Variants in PHACTR2 observed in about 807,000 individuals in gnomAD.
The protein encoded by PHACTR2 is phosphatase and actin regulator 2.
Under a neutral mutation model 76.0 loss-of-function variants are expected in PHACTR2, and 30 were observed. That is an observed-to-expected ratio of 0.39 (90% CI 0.30 to 0.54). The LOEUF (loss-of-function observed/expected upper bound fraction) is 0.54, where lower values mean the gene tolerates loss of function less well. Among genes scored for constraint, PHACTR2 ranks in the 20% least tolerant of loss-of-function variants. The pLI is 0.61. For synonymous variants in PHACTR2, 292 were observed against 292.5 expected (o/e 1.00, Z 0.02); for missense variants, 696 against 781.1 (o/e 0.89, Z 1.30).
Position 143,591,012 on chromosome 6 carries a change from A to G in PHACTR2, c.217+53805A>G, listed in dbSNP as rs1363771834. Reference sequence around the variant, plus strand: ...GTGTATATCCTACCAACAGTCGGCCAAGTAGAATTGTACTTGTATAAAAAT... The same window carrying G: ...GTGTATATCCTACCAACAGTCGGCCGAGTAGAATTGTACTTGTATAAAAAT... On this transcript the variant is annotated intron_variant, in intron 1 of 11. Transcript: ENST00000367584. The surrounding 1 kb of genome is among the most constrained non-coding windows in gnomAD (Gnocchi z 6.4). Among the ~76,000 whole-genome samples the G allele has an allele frequency of 6.6e-6, 1 of 152,214 alleles. No individual in the cohort carries two copies. The highest frequency in any genetic ancestry group is 1.5e-5 in the Non-Finnish European group (1 of 68,028).
intron 2 of PHACTR2, among the ~76,000 whole-genome samples, chr6:143,748,200 G>T (rs1334113415): frequency 6.6e-6 from 1 of 152,116 alleles, no homozygotes; most frequent in Non-Finnish European, 1.5e-5. Context: ...CAAATAGCTG[G>T]GGTTACAGGT....
At position 143,811,529 on chromosome 6, in the gene PHACTR2, T is replaced by C. The variant is rs1335451207; in HGVS notation, c.1922+4396T>C. ...GGAGAGTAACAGCTAATATCAAGGG[T>C]AAATTTTAAAAGTTCTCCAAAACAT... On this transcript the variant is annotated intron_variant, in intron 12 of 12. Transcript: ENST00000440869. The surrounding 1 kb of genome is among the most constrained non-coding windows in gnomAD (Gnocchi z 4.1). 2.0e-5 allele frequency among the ~76,000 whole-genome samples: 3 copies of C among 152,172 alleles called. No homozygotes were observed. The highest frequency in any genetic ancestry group is 7.2e-5 in the African/African-American group (3 of 41,446).
At position 143,772,203 on chromosome 6, in the gene PHACTR2, C is replaced by G. The variant is rs1334971223; in HGVS notation, c.1233-55C>G. The G allele has an allele frequency of 4.6e-6, 6 of 1,294,814 alleles. No individual in the cohort carries two copies. In the Admixed American group the frequency reaches 5.1e-5, roughly 11 times the overall value. The allele number at this position is 1,294,814 out of a possible 1,614,324, so 80.2% of individuals were successfully genotyped here. ...GAGCTCTTTTTCTTAGTGTCAGTGCCGCCAAGGGTTGCTCTGAGCTTCACA... is the reference window on the plus strand; with the variant it reads ...GAGCTCTTTTTCTTAGTGTCAGTGCGGCCAAGGGTTGCTCTGAGCTTCACA... On this transcript the variant is annotated intron_variant, in intron 6 of 12. Transcript: ENST00000440869. The surrounding 1 kb of genome is among the most constrained non-coding windows in gnomAD (Gnocchi z 5.4).
chr6:143,751,791 T>TACACACACAC lies in PHACTR2; in HGVS notation c.296-1938_296-1929dup, dbSNP rs71024875. Among the ~76,000 whole-genome samples the TACACACACAC allele has an allele frequency of 0.065, 9,094 of 140,214 alleles. 345 individuals are homozygous for TACACACACAC. The highest frequency in any genetic ancestry group is 0.086 in the African/African-American group (3,257 of 37,994). The allele number at this position is 140,214 out of a possible 152,430, so 92.0% of individuals were successfully genotyped here. ...TCCTTTGCTCTGCTTGTATTTTACT[T>TACACACACAC]ACACACACACACACACACACACACA... On this transcript the variant is annotated intron_variant, in intron 3 of 12. Transcript: ENST00000440869. This position sits in a 1 kb window ranked among gnomAD's most constrained non-coding sequence, Gnocchi z 5.7.
At chr6:143,626,078 T>C (rs1357600955) in intron 1 of PHACTR2, among the ~76,000 whole-genome samples, 1 of 152,190 alleles carries the variant, frequency 6.6e-6, no homozygotes, top group Non-Finnish European at 1.5e-5. Flanking sequence ...TTTGCTTAAA[T>C]GCTTTTAAGT....
chr6:143,577,379 T>C (rs894466090), intron 1 of PHACTR2, among the ~76,000 whole-genome samples: 35 of 152,024 alleles, frequency 2.3e-4, no homozygotes, highest in African/African-American at 8.2e-4. Context: ...CAGATAACAG[T>C]AGAGAAGATG....
At chr6:143,575,151 G>GT (rs1382697309) in intron 1 of PHACTR2, among the ~76,000 whole-genome samples, 2 of 152,050 alleles carry the variant, frequency 1.3e-5, no homozygotes, top group Non-Finnish European at 2.9e-5. Context: ...ATATTTTCAT[G>GT]TTTTTAATGT....
intron 1 of PHACTR2, among the ~76,000 whole-genome samples, chr6:143,582,015 G>A (rs7773678): frequency 3.3e-5 from 5 of 152,232 alleles, no homozygotes; most frequent in South Asian, 2.1e-4. Context: ...AGGCTGTACC[G>A]TCAATATGAG....
Position 143,721,168 on chromosome 6 carries a change from A to G in PHACTR2, c.214+8985A>G, listed in dbSNP as rs1037673658. 3.3e-4 allele frequency among the ~76,000 whole-genome samples: 50 copies of G among 152,208 alleles called. 1 individual carries two copies. The highest frequency in any genetic ancestry group is 1.3e-4 in the Admixed American group (2 of 15,278). ...GGTGTTTTCTGGTGGACACAGTATC[A>G]AGTCCTATTGAGACTGCCTTTCTAA... is the stretch of plus-strand genomic sequence containing the variant. On this transcript the variant is annotated intron_variant, in intron 2 of 12. Transcript: ENST00000440869.
chr6:143,687,922 A>T (rs1777558564), intron 1 of PHACTR2, among the ~76,000 whole-genome samples: 1 of 152,220 alleles, frequency 6.6e-6, no homozygotes, highest in Non-Finnish European at 1.5e-5. Context: ...TAAAGTTATT[A>T]TGTGTAAGGT....
intron 1 of PHACTR2, among the ~76,000 whole-genome samples, chr6:143,572,280 T>C (rs1174420890): frequency 1.3e-5 from 2 of 152,232 alleles, no homozygotes; most frequent in African/African-American, 4.8e-5. Flanking sequence ...TTGCTGAATT[T>C]TTGATAACAG....
At chr6:143,702,387 G>A (rs113432774) in intron 1 of PHACTR2, among the ~76,000 whole-genome samples, 4,419 of 152,220 alleles carry the variant, frequency 0.029, 214 homozygotes, top group African/African-American at 0.099. Context: ...GATTACAGGC[G>A]TGAGCCACGG....
rs1266822367 is a variant in PHACTR2, at chr6:143,639,126, G to T, written c.13+30804G>T. Among the ~76,000 whole-genome samples, 1 of 152,164 alleles carries T rather than the reference G, an allele frequency of 6.6e-6. No individual in the cohort carries two copies. The highest frequency in any genetic ancestry group is 2.4e-5 in the African/African-American group (1 of 41,444). ...TACTTATGCATAATTTTTTAACAGTGTCCAATATTCTTCTGAATTATTTTT... is the reference window on the plus strand; with the variant it reads ...TACTTATGCATAATTTTTTAACAGTTTCCAATATTCTTCTGAATTATTTTT... On this transcript the variant is annotated intron_variant, in intron 1 of 11. Transcript: ENST00000305766. The surrounding 1 kb of genome is among the most constrained non-coding windows in gnomAD (Gnocchi z 5.0).
At chr6:143,786,791 A>C (rs1293152508) in intron 10 of PHACTR2, among the ~76,000 whole-genome samples, 3 of 152,162 alleles carry the variant, frequency 2.0e-5, no homozygotes, top group African/African-American at 7.2e-5. Flanking sequence ...CGAGAATAGC[A>C]TGGGAAAGAC....
Position 143,780,647 on chromosome 6 carries a change from C to T in PHACTR2, c.1646-2572C>T, listed in dbSNP as rs747745211. Among the ~76,000 whole-genome samples the T allele has an allele frequency of 2.6e-5, 4 of 152,128 alleles. No individual in the cohort carries two copies. The highest frequency in any genetic ancestry group is 6.5e-5 in the Admixed American group (1 of 15,268). On this transcript the variant is annotated intron_variant, in intron 9 of 12. Coordinates refer to ENST00000440869, the MANE Select transcript of PHACTR2 (RefSeq NM_001100164.2). The surrounding 1 kb of genome is among the most constrained non-coding windows in gnomAD (Gnocchi z 4.4). ...ACAAAATTCTCTGGGTAACATTGCT[C>T]GCTAGGCGGGTTTCCTGTGGTGCTT...
intron 11 of PHACTR2, among the ~76,000 whole-genome samples, chr6:143,798,797 A>G (rs1174052850): frequency 6.6e-6 from 1 of 152,198 alleles, no homozygotes; most frequent in Non-Finnish European, 1.5e-5. Flanking sequence ...CCAGTATTTT[A>G]CTGAGGATTT....
intron 1 of PHACTR2, among the ~76,000 whole-genome samples, chr6:143,642,945 A>G (rs1387296573): frequency 6.6e-6 from 1 of 152,218 alleles, no homozygotes; most frequent in Non-Finnish European, 1.5e-5. Context: ...CTAGCATACT[A>G]ATAGTTTGGC....
chr6:143,802,682 T>A (rs1429348892), intron 11 of PHACTR2, among the ~76,000 whole-genome samples: 4 of 144,532 alleles, frequency 2.8e-5, no homozygotes, highest in Non-Finnish European at 6.1e-5. Context: ...TAATTACATA[T>A]ATGTGAAGAA....
At position 143,662,052 on chromosome 6, in the gene PHACTR2, G is replaced by A. The variant is rs1236359878; in HGVS notation, c.14-49964G>A. 6.6e-6 allele frequency among the ~76,000 whole-genome samples: 1 copy of A among 152,158 alleles called. No individual in the cohort carries two copies. Among genetic ancestry groups the A allele is most frequent in the African/African-American group, 2.4e-5 (1 of 41,450 alleles). The stretch of plus-strand genomic sequence containing the variant: ...CATGATTTCTCCCTGAATAAATCTT[G>A]TTTTGATGAAAGATTAAGTCAGAGC... On this transcript the variant is annotated intron_variant, in intron 1 of 11. Coordinates refer to the PHACTR2 transcript ENST00000305766. This position sits in a 1 kb window ranked among gnomAD's most constrained non-coding sequence, Gnocchi z 4.7.
Sources: allele counts gnomAD v4.1 joint callset (sites outside exome capture counted in the v4.1 genomes callset), GRCh38; gene constraint gnomAD v4.1.1; non-coding constraint Gnocchi (gnomAD v3.1); transcripts MANE v1.5; gene names NCBI Gene and HGNC (gene_info 2026-07-23, HGNC 2026-07-21).